TMEM184B: variants seen among roughly 807,000 people sequenced by gnomAD.
TMEM184B encodes the protein transmembrane protein 184B.
Under a neutral mutation model 41.8 loss-of-function variants are expected in TMEM184B, and 17 were observed. The observed-to-expected ratio is 0.41, with a 90% CI of 0.28 to 0.61. The LOEUF is 0.61. Among genes scored for constraint, TMEM184B ranks in the 20% least tolerant of loss-of-function variants. The pLI is 0.34. For missense variants in TMEM184B, 393 were observed against 557.8 expected, an observed-to-expected ratio of 0.70 and a Z score of 2.98; for synonymous variants, 240 against 229.5, an observed-to-expected ratio of 1.05 and a Z score of -0.41.
intron 3 of TMEM184B, 66 bp downstream of exon 3, chr22:38,245,869 G>T: frequency 6.8e-7 from 1 of 1,465,492 alleles, no homozygotes; most frequent in Non-Finnish European, 9.3e-7. Context: ...GGGGAGGAAT[G>T]TGGGGACAGG....
chr22:38,217,311 C>T (rs1226638024), downstream of TMEM184B, among the ~76,000 whole-genome samples: 1 of 128,664 alleles, frequency 7.8e-6, no homozygotes, highest in Non-Finnish European at 1.6e-5. Flanking sequence ...GGTGAAACCC[C>T]GTCTCTACTA....
chr22:38,230,482 C>G (rs531219553), intron 5 of TMEM184B, among the ~76,000 whole-genome samples, 187 bp downstream of exon 5: 1 of 152,322 alleles, frequency 6.6e-6, no homozygotes, highest in East Asian at 1.9e-4. Context: ...GGATGTCGGT[C>G]GCTGCCCCTC....
In TMEM184B at chr22:38,250,196, C is replaced by T. The variant is rs183975788; in HGVS notation, c.-58-2177G>A. On this transcript the variant is annotated intron_variant, in intron 1 of 8. Transcript: ENST00000361906. ...CTGGGTGCGGCGGCCTGCAGCCTGG[C>T]CCCGCGATGCAGAGGATCCTGCGCC... Among the ~76,000 whole-genome samples, 903 of 152,346 alleles carry T rather than the reference C, an allele frequency of 5.9e-3. 6 individuals are homozygous for T. The highest frequency in any genetic ancestry group is 0.01 in the Middle Eastern group (3 of 294).
At chr22:38,264,543 T>A (rs2092417495) in intron 1 of TMEM184B, among the ~76,000 whole-genome samples, 1 of 152,116 alleles carries the variant, frequency 6.6e-6, no homozygotes, top group South Asian at 2.1e-4. Context: ...CCACTCCCAC[T>A]CCATGACATT....
At position 38,225,594 on chromosome 22, in the gene TMEM184B, C is replaced by T. The variant is rs1219410415; in HGVS notation, c.618-1G>A. ...CACGTAGAGGTAGCCACTGGTGACG[C>T]TGCGGGACGGGGAGCATTTTCTGGC... On this transcript the variant is annotated splice_acceptor_variant, in intron 6 of 8. Coordinates refer to ENST00000361906, the MANE Select transcript of TMEM184B (RefSeq NM_012264.5). LOFTEE classifies it high-confidence loss of function. The surrounding 1 kb of genome is among the most constrained non-coding windows in gnomAD (Gnocchi z 4.4). 6.2e-7 allele frequency: 1 copy of T among 1,604,090 alleles called. No homozygotes were observed. The highest frequency in any genetic ancestry group is 1.7e-5 in the Admixed American group (1 of 57,776).
At chr22:38,238,051 C>T (rs1397143265) in intron 3 of TMEM184B, among the ~76,000 whole-genome samples, 3 of 151,626 alleles carry the variant, frequency 2.0e-5, no homozygotes, top group Admixed American at 6.6e-5. Flanking sequence ...CCACCTGCCT[C>T]GGCCTCCCAA....
At position 38,225,597 on chromosome 22, in the gene TMEM184B, C is replaced by A. The variant is rs375962893; in HGVS notation, c.618-4G>T. The A allele has an allele frequency of 9.4e-6, 15 of 1,602,196 alleles. No homozygotes were observed. The highest frequency in any genetic ancestry group is 2.3e-5 in the East Asian group (1 of 43,774). On this transcript the variant is annotated splice_polypyrimidine_tract_variant and splice_region_variant and intron_variant, in intron 6 of 8. Transcript: ENST00000361906. This position sits in a 1 kb window ranked among gnomAD's most constrained non-coding sequence, Gnocchi z 4.4. ...GTAGAGGTAGCCACTGGTGACGCTG[C>A]GGGACGGGGAGCATTTTCTGGCTGG... is the stretch of plus-strand genomic sequence containing the variant.
chr22:38,272,465 AC>A (rs2145807269), intron 1 of TMEM184B: 2 of 984,984 alleles, frequency 2.0e-6, no homozygotes, highest in East Asian at 1.1e-4. Flanking sequence ...GGTCACTGCC[AC>A]CCGCACAGGG....
chr22:38,270,006 G>A (rs1009138029), intron 1 of TMEM184B, among the ~76,000 whole-genome samples: 14 of 152,200 alleles, frequency 9.2e-5, no homozygotes, highest in African/African-American at 3.4e-4. Context: ...CATCCTTCCA[G>A]AAACTTTCAA....
intron 5 of TMEM184B, 57 bp downstream of exon 5, chr22:38,230,612 G>A: frequency 1.3e-6 from 2 of 1,561,554 alleles, no homozygotes; most frequent in Non-Finnish European, 8.7e-7. Flanking sequence ...CCCACGGCAG[G>A]GCCTCCCAGA....
At chr22:38,234,370 G>T (rs2145618291) in intron 3 of TMEM184B, among the ~76,000 whole-genome samples, 1 of 152,306 alleles carries the variant, frequency 6.6e-6, no homozygotes, top group Non-Finnish European at 1.5e-5. Flanking sequence ...AGCATCAACT[G>T]CCAGGCACAC....
In TMEM184B at chr22:38,225,845, A is replaced by C. The variant is rs1002366486; in HGVS notation, c.618-252T>G. Among the ~76,000 whole-genome samples, 1 of 151,788 alleles carries C rather than the reference A, an allele frequency of 6.6e-6. No individual in the cohort carries two copies. Among genetic ancestry groups the C allele is most frequent in the African/African-American group, 2.4e-5 (1 of 41,260 alleles). ...GACTTGTCTAAGCCCTGGTGCCCAC[A>C]CTCCTAACGTTGGACACCAGTGTGG... On this transcript the variant is annotated intron_variant, in intron 6 of 8. Transcript: ENST00000361906. The surrounding 1 kb of genome is among the most constrained non-coding windows in gnomAD (Gnocchi z 4.4).
chr22:38,248,001 CA>C lies in TMEM184B; in HGVS notation c.-41del. On this transcript the variant is annotated 5_prime_UTR_variant, in exon 2 of 9. Transcript: ENST00000361906. ...GGAGGCTCCCTGAGGGAAACCTTTG[CA>C]GAAAGTGACAAGCTAGCCTAGAGAG... 1 of 1,526,036 alleles carries C rather than the reference CA, an allele frequency of 6.6e-7. No individual in the cohort carries two copies. Among genetic ancestry groups the C allele is most frequent in the East Asian group, 2.4e-5 (1 of 41,100 alleles). The allele number at this position is 1,526,036 out of a possible 1,614,324, so 94.5% of individuals were successfully genotyped here. A position where few individuals can be genotyped will look rare whatever the true frequency, so the allele number is the denominator to read the frequency against.
chr22:38,267,425 C>T (rs1351350098), intron 1 of TMEM184B, among the ~76,000 whole-genome samples: 1 of 151,880 alleles, frequency 6.6e-6, no homozygotes, highest in African/African-American at 2.4e-5. Context: ...GTTCCAACCA[C>T]CCCTAATATC....
intron 1 of TMEM184B, among the ~76,000 whole-genome samples, chr22:38,252,092 C>T (rs916985100): frequency 3.1e-4 from 47 of 150,616 alleles, no homozygotes; most frequent in Non-Finnish European, 6.2e-4. Flanking sequence ...CAGAGCTTCA[C>T]TCTGTTGCCC....
chr22:38,227,311 G>C (rs1041357094), intron 5 of TMEM184B, among the ~76,000 whole-genome samples: 4 of 152,120 alleles, frequency 2.6e-5, no homozygotes, highest in African/African-American at 9.7e-5. Context: ...GGCTCGACAG[G>C]CAGAGGGGGC....
intron 8 of TMEM184B, 100 bp downstream of exon 8, chr22:38,224,685 C>A: frequency 7.8e-7 from 1 of 1,287,242 alleles, no homozygotes; most frequent in Non-Finnish European, 1.0e-6. Flanking sequence ...CATGTCCTGA[C>A]CCAGCCGCAC....
Position 38,266,182 on chromosome 22 carries a change from G to A in TMEM184B, c.-59+6702C>T, listed in dbSNP as rs56202021. Among the ~76,000 whole-genome samples, 567 of 152,336 alleles carry A rather than the reference G, an allele frequency of 3.7e-3. 8 individuals carry two copies. Among genetic ancestry groups the A allele is most frequent in the African/African-American group, 0.013 (550 of 41,568 alleles). Reference sequence around the variant, plus strand: ...GCAGGTAAAGGGTCTGTGGATCCTGGCTTCCCAGAGAGGAGGCTGGAGTCT... The same window carrying A: ...GCAGGTAAAGGGTCTGTGGATCCTGACTTCCCAGAGAGGAGGCTGGAGTCT... On this transcript the variant is annotated intron_variant, in intron 1 of 8. Transcript: ENST00000361906.
At chr22:38,272,755 C>T (rs978645866) in intron 1 of TMEM184B, 129 bp downstream of exon 1, 149 of 985,200 alleles carry the variant, frequency 1.5e-4, no homozygotes, top group Non-Finnish European at 1.7e-4. Flanking sequence ...TAGTGCCCTC[C>T]CCGCCCGGGA....
Sources: allele counts gnomAD v4.1 joint callset (sites outside exome capture counted in the v4.1 genomes callset), GRCh38; gene constraint gnomAD v4.1.1; non-coding constraint Gnocchi (gnomAD v3.1); transcripts MANE v1.5; gene names NCBI Gene and HGNC (gene_info 2026-07-23, HGNC 2026-07-21).